Variants in NOTCH2 observed in about 807,000 individuals in gnomAD.
NOTCH2 encodes the protein neurogenic locus notch homolog protein 2.
In NOTCH2, 29 loss-of-function variants were observed where a neutral mutation model predicts 235.8. The ratio of observed to expected loss-of-function variants is 0.12; its 90% CI spans 0.09 to 0.17. The LOEUF (loss-of-function observed/expected upper bound fraction) is 0.17. Among genes scored for constraint, NOTCH2 ranks in the 10% least tolerant of loss-of-function variants. NOTCH2 has a pLI of 1.00. For missense variants in NOTCH2, 2,285 were observed against 3,150.2 expected (o/e 0.73, Z 6.57); for synonymous variants, 1,086 against 1,141.5 (o/e 0.95, Z 0.98).
chr1:119,946,941 C>T (rs1043370747), intron 17 of NOTCH2, among the ~76,000 whole-genome samples: 11 of 152,028 alleles, frequency 7.2e-5, no homozygotes, highest in African/African-American at 2.7e-4. Context: ...AGAGGCTAAC[C>T]TACGAACCTA....
intron 4 of NOTCH2, chr1:119,995,939 T>C (rs1307504149): frequency 6.6e-6 from 1 of 152,438 alleles, no homozygotes; most frequent in Non-Finnish European, 1.5e-5. Flanking sequence ...ATGTGAACCA[T>C]ATCCACAATA....
intron 3 of NOTCH2, among the ~76,000 whole-genome samples, chr1:120,000,547 A>G (rs1321617105): frequency 6.9e-6 from 1 of 145,974 alleles, no homozygotes; most frequent in Non-Finnish European, 1.5e-5. Flanking sequence ...AAAAAAAAAA[A>G]AAAAAGGTGA....
intron 1 of NOTCH2, among the ~76,000 whole-genome samples, chr1:120,067,556 T>G (rs1178679582): frequency 1.3e-5 from 2 of 152,210 alleles, no homozygotes; most frequent in Non-Finnish European, 2.9e-5. Context: ...AGCAGGTTAT[T>G]CCTTTAGTCC....
intron 30 of NOTCH2, 72 bp from the exon 31 acceptor site, chr1:119,919,685 T>G: frequency 7.0e-7 from 1 of 1,431,736 alleles, no homozygotes. Flanking sequence ...GAAACAGCTC[T>G]ATTTGACTAA....
chr1:119,923,746 G>T lies in NOTCH2; in HGVS notation c.4750C>A (p.Gln1584Lys). 6.2e-7 allele frequency: 1 copy of T among 1,614,172 alleles called. No homozygotes were observed. The highest frequency in any genetic ancestry group is 8.5e-7 in the Non-Finnish European group (1 of 1,180,016). Residue 1584 changes from glutamine to lysine, a missense_variant, in exon 26 of 34, where the codon CAG becomes AAG. Gln to Lys is a moderately conservative substitution (Grantham distance 53, BLOSUM62 1). This residue lies in a region of NOTCH2 where 1,173 missense variants were observed against 1,515.3 expected (regional missense o/e 0.77). Coordinates refer to ENST00000256646, the MANE Select transcript of NOTCH2 (RefSeq NM_024408.4). ...HTNLRIKRDS[Q>K]GELMVYPYYG... is the part of the protein sequence containing the mutation. ...TAGGGGTACACCATGAGTTCCCCCT[G>T]GGAGTCCCGCTTAATGCGCAGGTTG...
At chr1:119,980,165 C>T (rs1489597154) in intron 5 of NOTCH2, among the ~76,000 whole-genome samples, 5 of 152,312 alleles carry the variant, frequency 3.3e-5, no homozygotes, top group South Asian at 2.1e-4. Context: ...ATCACAAGCA[C>T]GCTCACATTC....
chr1:119,985,452 G>T (rs1410416946), intron 5 of NOTCH2, among the ~76,000 whole-genome samples: 3 of 152,156 alleles, frequency 2.0e-5, no homozygotes, highest in African/African-American at 7.2e-5. Flanking sequence ...TTTCACTGGG[G>T]AAGTTTTCCC....
chr1:119,954,955 G>A, intron 13 of NOTCH2, 85 bp downstream of exon 13: 2 of 1,385,972 alleles, frequency 1.4e-6, no homozygotes, highest in Non-Finnish European at 2.0e-6. Flanking sequence ...AGCCCCATTT[G>A]ACAACTTCAG....
Position 119,926,628 on chromosome 1 carries a change from TAAA to T in NOTCH2, c.3893-20_3893-18del. On this transcript the variant is annotated intron_variant, in intron 23 of 33. Coordinates refer to ENST00000256646, the MANE Select transcript of NOTCH2 (RefSeq NM_024408.4). ...AGTGCCGGCCTCAGAAAATAAAAAA[TAAA>T]AAAGGTTTTAAAAGGCAGAAGTAGT... 1 of 1,576,502 alleles carries T rather than the reference TAAA, an allele frequency of 6.3e-7. No individual in the cohort carries two copies. The highest frequency in any genetic ancestry group is 8.6e-7 in the Non-Finnish European group (1 of 1,157,328).
chr1:119,929,274 G>A, intron 22 of NOTCH2, 62 bp from the exon 23 acceptor site: 1 of 1,354,750 alleles, frequency 7.4e-7, no homozygotes, highest in Non-Finnish European at 1.1e-6. Context: ...TCCAGCAAGG[G>A]ATAACCACCC....
chr1:119,948,605 A>AGCTGAT (rs782508270), intron 16 of NOTCH2, 39 bp from the exon 17 acceptor site: 23 of 1,613,160 alleles, frequency 1.4e-5, no homozygotes, highest in Admixed American at 1.0e-4. Flanking sequence ...AGTCCTTGGA[A>AGCTGAT]GCTGATTCCC....
intron 3 of NOTCH2, among the ~76,000 whole-genome samples, chr1:119,997,750 C>T (rs1652526225): frequency 6.6e-6 from 1 of 150,828 alleles, no homozygotes; most frequent in East Asian, 1.9e-4. Context: ...CCGAGGCAGG[C>T]AGATCATGAG....
At chr1:120,048,627 T>C (rs1553214017) in intron 1 of NOTCH2, among the ~76,000 whole-genome samples, 2 of 148,498 alleles carry the variant, frequency 1.3e-5, no homozygotes, top group Non-Finnish European at 3.0e-5. Context: ...TTTTTTATTT[T>C]CGTAAAGATG....
chr1:119,997,422 C>G (rs1211558903), intron 3 of NOTCH2, 90 bp from the exon 4 acceptor site: 6 of 1,190,208 alleles, frequency 5.0e-6, no homozygotes, highest in Non-Finnish European at 7.6e-6. Flanking sequence ...CGAGCTCTTG[C>G]GTGGAGAAGA....
chr1:119,943,876 G>A (rs931816937), intron 17 of NOTCH2, among the ~76,000 whole-genome samples: 1 of 151,974 alleles, frequency 6.6e-6, no homozygotes, highest in Non-Finnish European at 1.5e-5. Flanking sequence ...GGGAGGTAAC[G>A]TTAAAAGAAA....
chr1:119,913,107 T>C lies in NOTCH2; in HGVS notation c.*2199A>G, dbSNP rs587596883. On this transcript the variant is annotated 3_prime_UTR_variant, in exon 34 of 34. Coordinates refer to ENST00000256646, the MANE Select transcript of NOTCH2 (RefSeq NM_024408.4). The stretch of plus-strand genomic sequence containing the variant: ...GGTCCATGCAGATAGGTTCTCCCCA[T>C]CTGTGAATAATAAATGGGTCCAAGG... 2.2e-4 allele frequency: 52 copies of C among 233,266 alleles called. No homozygotes were observed. The highest frequency in any genetic ancestry group is 1.1e-3 in the African/African-American group (52 of 45,446). The allele number at this position is 233,266 out of a possible 1,614,324, so 14.4% of individuals were successfully genotyped here. A position where few individuals can be genotyped will look rare whatever the true frequency, so the allele number is the denominator to read the frequency against.
At position 119,919,613 on chromosome 1, in the gene NOTCH2, T is replaced by C; in HGVS notation, c.5480A>G (p.Asp1827Gly). ...DVLDVNVRGP[D>G]GCTPLMLASL... ...AGCCAACATCAATGGGGTGCAGCCA[T>C]CTGTAGGAATGGAAAATTCCATAAA... The change falls in exon 31 of 34, where the codon GAT becomes GGT. Residue 1827 changes from aspartate (D) to glycine (G), a missense_variant and splice_region_variant. Transcript: ENST00000256646. 3 of 1,613,792 alleles carry C rather than the reference T, an allele frequency of 1.9e-6. No homozygotes were observed. Among genetic ancestry groups the C allele is most frequent in the Non-Finnish European group, 2.5e-6 (3 of 1,179,894 alleles).
rs1553196348 is a variant in NOTCH2 at position 119,940,702 on chromosome 1, C to G, written c.3036G>C (p.Leu1012Phe). 1 of 1,614,160 alleles carries G rather than the reference C, an allele frequency of 6.2e-7. No homozygotes were observed. Among genetic ancestry groups the G allele is most frequent in the Admixed American group, 1.7e-5 (1 of 60,018 alleles). Residue 1012 changes from leucine (L) to phenylalanine (F), a missense_variant, in exon 19 of 34, where the codon TTG becomes TTC. This residue lies in a region of NOTCH2 where 1,173 missense variants were observed against 1,515.3 expected (regional missense o/e 0.77). Transcript: ENST00000256646. ...CVDGINSFSC[L>F]CPVGFTGSFC... ...AGGATCCAGTGAAACCCACAGGGCA[C>G]AAGCAAGAGAAGGAGTTAATCCCAT...
In NOTCH2 at chr1:119,919,362, G is replaced by A. The variant is rs748716440; in HGVS notation, c.5731C>T (p.Arg1911Cys). 5.6e-6 allele frequency: 9 copies of A among 1,613,362 alleles called. No individual in the cohort carries two copies. Among genetic ancestry groups the A allele is most frequent in the Middle Eastern group, 1.8e-4 (1 of 5,474 alleles). ...GCCACTGCAGCATGGAGTGGACAGC[G>A]GCCCATGTTGTCCTGGGCATTGGCA... ...ADANAQDNMG[R>C]CPLHAAVAAD... is the part of the protein sequence containing the mutation. The change falls in exon 31 of 34, where the codon CGC becomes TGC. Residue 1911 changes from arginine to cysteine, a missense_variant. Transcript: ENST00000256646.
Sources: allele counts gnomAD v4.1 joint callset (sites outside exome capture counted in the v4.1 genomes callset), GRCh38; gene constraint gnomAD v4.1.1; regional missense constraint gnomAD v4.1.1; transcripts MANE v1.5; gene names NCBI Gene and HGNC (gene_info 2026-07-23, HGNC 2026-07-21).